The following PTPRK variants were observed in gnomAD, a reference collection of about 807,000 sequenced individuals.
PTPRK encodes the protein receptor-type tyrosine-protein phosphatase kappa.
Under a neutral mutation model 178.0 loss-of-function variants are expected in PTPRK, and 75 were observed. The ratio of observed to expected loss-of-function variants is 0.42; its 90% CI spans 0.35 to 0.51. The LOEUF (loss-of-function observed/expected upper bound fraction) is 0.51, where lower values mean the gene tolerates loss of function less well. Ranked by LOEUF, PTPRK falls within the 20% of genes least tolerant of loss-of-function variation. PTPRK has a pLI of 0.02. For synonymous variants in PTPRK, 637 were observed against 620.6 expected (o/e 1.03, Z -0.39); for missense variants, 1,441 against 1,797.8 (o/e 0.80, Z 3.59).
intron 1 of PTPRK, among the ~76,000 whole-genome samples, chr6:128,501,544 G>A (rs773374154): frequency 3.9e-5 from 6 of 152,114 alleles, no homozygotes; most frequent in East Asian, 1.9e-4. Context: ...TTTTGTGGGC[G>A]GAGCCTAACA....
At chr6:128,193,472 TTGTG>T (rs10681233) in intron 6 of PTPRK, among the ~76,000 whole-genome samples, 4,424 of 148,906 alleles carry the variant, frequency 0.03, 142 homozygotes, top group African/African-American at 0.081. Context: ...GTACTAATAC[TTGTG>T]TGTGTGTGTG....
intron 2 of PTPRK, among the ~76,000 whole-genome samples, chr6:128,322,888 G>A (rs1047808588): frequency 3.4e-4 from 51 of 152,018 alleles, no homozygotes; most frequent in African/African-American, 1.2e-3. Context: ...CTCAGTTCAG[G>A]GAATGAGGAC....
At chr6:128,083,656 T>C in intron 9 of PTPRK, 59 bp downstream of exon 9, 1 of 1,024,600 alleles carries the variant, frequency 9.8e-7, no homozygotes, top group Non-Finnish European at 1.4e-6. Flanking sequence ...ACTTTTCCTT[T>C]CTTCTTCCTT....
chr6:128,458,655 A>G (rs563781506), intron 1 of PTPRK, among the ~76,000 whole-genome samples: 4 of 152,368 alleles, frequency 2.6e-5, no homozygotes, highest in African/African-American at 9.6e-5. Context: ...ATTTGATTGT[A>G]GAAATCACTA....
chr6:128,117,142 T>C (rs867342691), intron 7 of PTPRK, among the ~76,000 whole-genome samples: 77 of 151,502 alleles, frequency 5.1e-4, no homozygotes, highest in African/African-American at 1.8e-3. Flanking sequence ...CAAGACTCTG[T>C]CAAAAAAATA....
chr6:128,189,235 CTTTTTTT>C lies in PTPRK; in HGVS notation c.869-4517_869-4511del, dbSNP rs71028115. The stretch of plus-strand genomic sequence containing the variant: ...ATATATATCATATTTTACTCTTTTT[CTTTTTTT>C]TTTTTTTTTTTTTTTTGAGACAGAG... On this transcript the variant is annotated intron_variant, in intron 6 of 29. Coordinates refer to ENST00000368226, the MANE Select transcript of PTPRK (RefSeq NM_002844.4). Among the ~76,000 whole-genome samples the C allele has an allele frequency of 1.0e-4, 7 of 67,466 alleles. No individual in the cohort carries two copies. The East Asian group carries it at 1.9e-3, about 19-fold the overall frequency. The allele number at this position is 67,466 out of a possible 152,430, so 44.3% of individuals were successfully genotyped here.
intron 13 of PTPRK, among the ~76,000 whole-genome samples, chr6:128,051,519 C>T (rs60702670): frequency 0.11 from 17,192 of 152,162 alleles, 2,475 homozygotes; most frequent in African/African-American, 0.34. Flanking sequence ...TTGAGCTTTC[C>T]ATGCTGCTTA....
intron 3 of PTPRK, among the ~76,000 whole-genome samples, chr6:128,269,879 G>T (rs1192522835): frequency 6.6e-6 from 1 of 152,052 alleles, no homozygotes; most frequent in African/African-American, 2.4e-5. Context: ...TCTGTAAAAG[G>T]TATTATAGTC....
intron 27 of PTPRK, among the ~76,000 whole-genome samples, 168 bp from the exon 28 acceptor site, chr6:127,973,995 A>G (rs1218049963): frequency 6.6e-6 from 1 of 152,228 alleles, no homozygotes; most frequent in Non-Finnish European, 1.5e-5. Context: ...AAGTGACAAC[A>G]GCAGGAAACA....
intron 1 of PTPRK, among the ~76,000 whole-genome samples, chr6:128,505,573 T>C (rs1856217483): frequency 1.3e-5 from 2 of 152,144 alleles, no homozygotes; most frequent in Non-Finnish European, 2.9e-5. Flanking sequence ...GTTGCAAATA[T>C]TGTAAGGACA....
chr6:128,317,791 G>A (rs1284388106), intron 3 of PTPRK, among the ~76,000 whole-genome samples: 1 of 152,054 alleles, frequency 6.6e-6, no homozygotes, highest in East Asian at 1.9e-4. Context: ...TATCAGGGAG[G>A]AACATCTTTC....
At chr6:128,503,617 A>G (rs1482765208) in intron 1 of PTPRK, among the ~76,000 whole-genome samples, 1 of 152,204 alleles carries the variant, frequency 6.6e-6, no homozygotes, top group Non-Finnish European at 1.5e-5. Flanking sequence ...AAGAAATCAG[A>G]TAAACTCTGT....
At chr6:128,172,571 T>C (rs1338364708) in intron 7 of PTPRK, among the ~76,000 whole-genome samples, 1 of 151,716 alleles carries the variant, frequency 6.6e-6, no homozygotes, top group African/African-American at 2.4e-5. Context: ...GTTGTTCTAA[T>C]TGGATGTTGT....
At chr6:128,471,365 G>T (rs905919169) in intron 1 of PTPRK, among the ~76,000 whole-genome samples, 2 of 151,596 alleles carry the variant, frequency 1.3e-5, no homozygotes, top group African/African-American at 2.4e-5. Flanking sequence ...GGAAATGAAT[G>T]GGGGGGAAAA....
intron 10 of PTPRK, among the ~76,000 whole-genome samples, chr6:128,079,451 G>A (rs972542126): frequency 1.3e-5 from 2 of 151,846 alleles, no homozygotes; most frequent in African/African-American, 4.8e-5. Flanking sequence ...AAATGATAAT[G>A]GACATCTTAG....
At chr6:128,497,726 T>C (rs1294125858) in intron 1 of PTPRK, among the ~76,000 whole-genome samples, 1 of 152,116 alleles carries the variant, frequency 6.6e-6, no homozygotes, top group African/African-American at 2.4e-5. Context: ...ATGAGCTCTG[T>C]TCTCTTAATT....
chr6:128,440,449 T>A (rs1846134779), intron 1 of PTPRK, among the ~76,000 whole-genome samples: 1 of 152,206 alleles, frequency 6.6e-6, no homozygotes, highest in Non-Finnish European at 1.5e-5. Context: ...TGCTAAAGTA[T>A]GATTTTTAAA....
chr6:128,205,804 A>AAC (rs1213463551), intron 6 of PTPRK, among the ~76,000 whole-genome samples: 37 of 150,644 alleles, frequency 2.5e-4, no homozygotes, highest in African/African-American at 8.3e-4. Context: ...AAAAAAAAAA[A>AAC]ATTCAAGTTA....
chr6:128,427,920 G>A (rs1199125611), intron 1 of PTPRK, among the ~76,000 whole-genome samples: 3 of 151,946 alleles, frequency 2.0e-5, no homozygotes, highest in South Asian at 2.1e-4. Context: ...GTAAAACCTC[G>A]TCTCTACTAA....
Sources: allele counts gnomAD v4.1 joint callset (sites outside exome capture counted in the v4.1 genomes callset), GRCh38; gene constraint gnomAD v4.1.1; transcripts MANE v1.5; gene names NCBI Gene and HGNC (gene_info 2026-07-23, HGNC 2026-07-21).